The following GYS1 variants were observed in gnomAD, a reference collection of about 807,000 sequenced individuals.
The protein encoded by GYS1 is glycogen synthase 1.
A neutral mutation model predicts 89.1 loss-of-function variants in GYS1; 60 were observed. That is an observed-to-expected ratio of 0.67 (90% CI 0.55 to 0.84). GYS1 has a LOEUF of 0.84. GYS1 is among the 40% of genes least tolerant of loss of function. The probability of loss-of-function intolerance (pLI) is 0.00; values close to 1 mark genes in which losing one functional copy is unlikely to be tolerated. For synonymous variants in GYS1, 366 were observed against 401.7 expected (o/e 0.91, Z 1.06); for missense variants, 888 against 1,003.1 (o/e 0.89, Z 1.55).
intron 15 of GYS1, 38 bp from the exon 16 acceptor site, chr19:48,969,649 G>A: frequency 1.3e-6 from 2 of 1,567,404 alleles, no homozygotes; most frequent in Non-Finnish European, 8.6e-7. Context: ...AGGGTGAGCT[G>A]AGGACCTCAC....
intron 2 of GYS1, among the ~76,000 whole-genome samples, chr19:48,988,486 T>C (rs1394131107): frequency 1.3e-5 from 2 of 152,138 alleles, no homozygotes. Flanking sequence ...GCCAGGCTGA[T>C]TTTTTAATTT....
At chr19:48,972,701 A>T (rs1217278591) in intron 12 of GYS1, among the ~76,000 whole-genome samples, 1 of 151,930 alleles carries the variant, frequency 6.6e-6, no homozygotes, top group Non-Finnish European at 1.5e-5. Flanking sequence ...CTGGTCTCAA[A>T]CTCATGTCCT....
chr19:48,991,940 A>G lies in GYS1; in HGVS notation c.119-457T>C, dbSNP rs1420118788. On this transcript the variant is annotated intron_variant, in intron 1 of 15. Transcript: ENST00000323798. The surrounding 1 kb of genome is among the most constrained non-coding windows in gnomAD (Gnocchi z 4.7). Reference sequence around the variant, plus strand: ...AGTGAGGGAGACCCCCTCATGGCCAATCCAGCTTCTCACCATTGCCCAAGA... The same window carrying G: ...AGTGAGGGAGACCCCCTCATGGCCAGTCCAGCTTCTCACCATTGCCCAAGA... Among the ~76,000 whole-genome samples, 3 of 152,136 alleles carry G rather than the reference A, an allele frequency of 2.0e-5. No individual in the cohort carries two copies. The East Asian group carries it at 5.8e-4, about 29-fold the overall frequency.
rs748191529 is a variant in GYS1, at chr19:48,982,749, G to A, written c.912C>T (p.Ile304=). ...AAAAATGGCCCCGCACAAACTCCTG[G>A]ATTCGAGCCTTGCTCTGAGCATGGA... ...QNLHAQSKAR[I]QEFVRGHFYG... The change falls in exon 6 of 16, where the codon ATC becomes ATT. Residue 304 remains isoleucine, a synonymous_variant. Transcript: ENST00000323798. 2 of 1,613,294 alleles carry A rather than the reference G, an allele frequency of 1.2e-6. No individual in the cohort carries two copies. Among genetic ancestry groups the A allele is most frequent in the South Asian group, 1.1e-5 (1 of 91,060 alleles).
intron 6 of GYS1, 145 bp from the exon 7 acceptor site, chr19:48,982,520 T>C: frequency 1.0e-6 from 1 of 955,316 alleles, no homozygotes; most frequent in Non-Finnish European, 1.7e-6. Flanking sequence ...CTGGGAGTTG[T>C]AGTTCTTCTC....
At chr19:48,972,895 AGAGGCT>A (rs1193700624) in intron 12 of GYS1, among the ~76,000 whole-genome samples, 3 of 152,258 alleles carry the variant, frequency 2.0e-5, no homozygotes, top group East Asian at 3.9e-4. Flanking sequence ...CAGATACTCA[AGAGGCT>A]GAGGCAGAAG....
intron 12 of GYS1, among the ~76,000 whole-genome samples, chr19:48,972,392 T>G (rs1035111311): frequency 1.3e-5 from 2 of 152,104 alleles, no homozygotes; most frequent in Non-Finnish European, 2.9e-5. Context: ...CAGGCTGGTC[T>G]TGAACTCCTG....
At chr19:48,980,469 C>G (rs554323189) in intron 8 of GYS1, among the ~76,000 whole-genome samples, 1 of 151,016 alleles carries the variant, frequency 6.6e-6, no homozygotes, top group Non-Finnish European at 1.5e-5. Context: ...GCCTGGTCAA[C>G]GTGGTGAAAT....
chr19:48,968,627 G>C lies in GYS1; in HGVS notation c.*661C>G, dbSNP rs761272199. On this transcript the variant is annotated 3_prime_UTR_variant, in exon 16 of 16. Transcript: ENST00000323798. ...TCCTCCAGAAGGAATGAGCAGCCAA[G>C]TGGTTCTACCACCTCTTGCTTGGCC... The C allele has an allele frequency of 4.4e-6, 2 of 454,162 alleles. No homozygotes were observed. Among genetic ancestry groups the C allele is most frequent in the Non-Finnish European group, 8.8e-6 (2 of 226,790 alleles). The allele number at this position is 454,162 out of a possible 1,614,324, so 28.1% of individuals were successfully genotyped here.
chr19:48,985,764 A>C, intron 4 of GYS1, 86 bp downstream of exon 4: 2 of 1,531,524 alleles, frequency 1.3e-6, no homozygotes, highest in Non-Finnish European at 1.8e-6. Context: ...CTGGGAGAAG[A>C]GGGGGTGCCA....
At chr19:48,976,395 G>C (rs141457263) in intron 10 of GYS1, among the ~76,000 whole-genome samples, 1,627 of 152,140 alleles carry the variant, frequency 0.011, 22 homozygotes, top group South Asian at 0.011. Context: ...AAAGCCAGCA[G>C]GGGCTGCTGG....
intron 9 of GYS1, 24 bp downstream of exon 9, chr19:48,978,074 C>A: frequency 1.2e-6 from 2 of 1,612,290 alleles, no homozygotes; most frequent in Non-Finnish European, 1.7e-6. Flanking sequence ...TAGGAGGGCA[C>A]AGGGCTGAGG....
intron 2 of GYS1, among the ~76,000 whole-genome samples, chr19:48,988,339 T>G (rs2038873232): frequency 6.6e-6 from 1 of 152,090 alleles, no homozygotes; most frequent in Admixed American, 6.6e-5. Flanking sequence ...ACGGGATGCT[T>G]CTTTTTTGTT....
intron 12 of GYS1, among the ~76,000 whole-genome samples, chr19:48,971,293 C>T (rs1280361664): frequency 2.0e-5 from 3 of 152,170 alleles, no homozygotes; most frequent in African/African-American, 7.2e-5. Context: ...TATTGAGCAT[C>T]CCAATATCCA....
At chr19:48,992,074 C>T (rs1340356510) in intron 1 of GYS1, among the ~76,000 whole-genome samples, 2 of 152,114 alleles carry the variant, frequency 1.3e-5, no homozygotes, top group African/African-American at 2.4e-5. Context: ...CTCCCATGAC[C>T]CTATCCCAGA....
At chr19:48,990,004 G>T (rs922769210) in intron 2 of GYS1, among the ~76,000 whole-genome samples, 12 of 149,242 alleles carry the variant, frequency 8.0e-5, no homozygotes, top group South Asian at 2.1e-4. Context: ...TTGCTGGGGG[G>T]GGGGGGGGGC....
At chr19:48,978,866 G>A (rs2038703147) in intron 8 of GYS1, among the ~76,000 whole-genome samples, 1 of 152,136 alleles carries the variant, frequency 6.6e-6, no homozygotes. Context: ...CAAGGAAACT[G>A]AGGTGTGAGC....
intron 8 of GYS1, among the ~76,000 whole-genome samples, chr19:48,979,646 CTTTTTTTTT>C (rs56291141): frequency 4.3e-5 from 5 of 114,978 alleles, no homozygotes; most frequent in African/African-American, 9.8e-5. Flanking sequence ...CTCTTTCTTT[CTTTTTTTTT>C]TTTTTTTTTT....
intron 10 of GYS1, among the ~76,000 whole-genome samples, chr19:48,976,371 C>A (rs75355733): frequency 0.018 from 2,689 of 152,098 alleles, 70 homozygotes; most frequent in African/African-American, 0.061. Context: ...ACAAGGGAAG[C>A]GTCAATGCCC....
Sources: gnomAD v4.1 joint callset for allele counts (sites outside exome capture counted in the v4.1 genomes callset) on GRCh38, gnomAD v4.1.1 for gene constraint, Gnocchi (gnomAD v3.1) non-coding constraint, MANE v1.5 for transcripts, NCBI Gene and HGNC (gene_info 2026-07-23, HGNC 2026-07-21) for gene names.